Variants in MPHOSPH8 observed in about 807,000 individuals in gnomAD.
The protein encoded by MPHOSPH8 is M-phase phosphoprotein 8.
Under a neutral mutation model 87.3 loss-of-function variants are expected in MPHOSPH8, and 45 were observed. The observed-to-expected ratio is 0.52, with a 90% CI of 0.41 to 0.66. MPHOSPH8 has a LOEUF of 0.66. Ranked by LOEUF, MPHOSPH8 falls within the 30% of genes least tolerant of loss-of-function variation. MPHOSPH8 has a pLI of 0.00. For synonymous variants in MPHOSPH8, 366 were observed against 376.9 expected (o/e 0.97, Z 0.33); for missense variants, 883 against 1,020.2 (o/e 0.87, Z 1.83).
chr13:19,662,641 C>A (rs966236752), intron 8 of MPHOSPH8, among the ~76,000 whole-genome samples: 1 of 151,918 alleles, frequency 6.6e-6, no homozygotes, highest in Non-Finnish European at 1.5e-5. Context: ...TGATTTATCT[C>A]GTTGGAAGTA....
chr13:19,640,028 C>G (rs1165202798), intron 1 of MPHOSPH8, among the ~76,000 whole-genome samples: 1 of 152,088 alleles, frequency 6.6e-6, no homozygotes, highest in African/African-American at 2.4e-5. Context: ...ATCACTTGAA[C>G]CCGGGAGGCG....
Position 19,633,684 on chromosome 13 carries a change from A to ACC in MPHOSPH8, c.-64_-63insCC. On this transcript the variant is annotated 5_prime_UTR_variant, in exon 1 of 14. It introduces an in-frame stop codon into an upstream open reading frame of the 5' UTR. Coordinates refer to ENST00000361479, the MANE Select transcript of MPHOSPH8 (RefSeq NM_017520.4). ...GATGTGGAGTAGGGCCGAGCGCGGA[A>ACC]CGCGAGGGGCTGCTGGGGTGTTTGT... 6.5e-7 allele frequency: 1 copy of ACC among 1,528,750 alleles called. No individual in the cohort carries two copies. Among genetic ancestry groups the ACC allele is most frequent in the Non-Finnish European group, 8.9e-7 (1 of 1,127,810 alleles). 94.7% of individuals were successfully genotyped at this position (1,528,750 alleles called of 1,614,324 possible). A position where few individuals can be genotyped will look rare whatever the true frequency, so the allele number is the denominator to read the frequency against.
rs1003219793 is a variant in MPHOSPH8 at position 19,650,074 on chromosome 13, A to T, written c.1390A>T (p.Asn464Tyr). 1 of 1,612,564 alleles carries T rather than the reference A, an allele frequency of 6.2e-7. No individual in the cohort carries two copies. The highest frequency in any genetic ancestry group is 8.5e-7 in the Non-Finnish European group (1 of 1,179,270). Residue 464 changes from asparagine (N) to tyrosine (Y), a missense_variant, in exon 5 of 14, where the codon AAT becomes TAT. Physicochemically the swap from Asn to Tyr is moderately radical, Grantham distance 143 (BLOSUM62 -2). Transcript: ENST00000361479. ...AGAAGAAAAAAATGATGTTTCTGAGAATAATCGGAAAAGGGAAGAAATACC... is the reference window on the plus strand; with the variant it reads ...AGAAGAAAAAAATGATGTTTCTGAGTATAATCGGAAAAGGGAAGAAATACC... ...TPEEKNDVSENNRKREEIPLD... is the reference protein window; with the variant it reads ...TPEEKNDVSEYNRKREEIPLD...
chr13:19,652,842 G>A (rs1011633164), intron 5 of MPHOSPH8, among the ~76,000 whole-genome samples: 6 of 152,022 alleles, frequency 3.9e-5, no homozygotes, highest in African/African-American at 1.5e-4. Context: ...GGAGCGCACC[G>A]TAGCTCAGCA....
intron 9 of MPHOSPH8, among the ~76,000 whole-genome samples, chr13:19,664,981 C>G (rs536547626): frequency 3.9e-5 from 6 of 152,038 alleles, no homozygotes; most frequent in Non-Finnish European, 8.8e-5. Context: ...AGGAAGTGGT[C>G]CACGGGCTGG....
At chr13:19,638,944 G>C (rs542964460) in intron 1 of MPHOSPH8, among the ~76,000 whole-genome samples, 4 of 152,012 alleles carry the variant, frequency 2.6e-5, no homozygotes, top group African/African-American at 9.6e-5. Context: ...TTAGCCAGGC[G>C]TGGTGCTGGG....
chr13:19,665,674 G>A (rs1276192700), intron 9 of MPHOSPH8, among the ~76,000 whole-genome samples: 6 of 152,226 alleles, frequency 3.9e-5, no homozygotes, highest in Non-Finnish European at 5.9e-5. Flanking sequence ...GAGTGCCACC[G>A]CTCCTGGAGG....
intron 1 of MPHOSPH8, among the ~76,000 whole-genome samples, 191 bp downstream of exon 1, chr13:19,634,152 G>A (rs1045018693): frequency 2.0e-5 from 3 of 152,338 alleles, no homozygotes; most frequent in African/African-American, 4.8e-5. Flanking sequence ...CTGAGTGTGT[G>A]AGGGAAGCTT....
chr13:19,648,452 GA>G lies in MPHOSPH8; in HGVS notation c.1254del (p.Lys418AsnfsTer21). 1 of 1,590,570 alleles carries G rather than the reference GA, an allele frequency of 6.3e-7. No individual in the cohort carries two copies. Among genetic ancestry groups the G allele is most frequent in the Admixed American group, 1.8e-5 (1 of 56,206 alleles). On this transcript the variant is annotated frameshift_variant, in exon 4 of 14. Transcript: ENST00000361479. LOFTEE classifies it high-confidence loss of function. ...DKETKRNESK[E>X]KYQKRHDSDK... ...AGAAACCAAAAGAAATGAATCCAAA[GA>G]AAAATATCAGAAAAGGCATGATTCT...
At chr13:19,648,380 A>G (rs773548957) in intron 3 of MPHOSPH8, 42 bp from the exon 4 acceptor site, 33 of 1,311,576 alleles carry the variant, frequency 2.5e-5, no homozygotes, top group Non-Finnish European at 3.5e-5. Context: ...TACAGTGTCA[A>G]CTCTTTATCC....
rs143247644 is a variant in MPHOSPH8 at position 19,645,556 on chromosome 13, G to C, written c.370-887G>C. Among the ~76,000 whole-genome samples, 1,338 of 152,154 alleles carry C rather than the reference G, an allele frequency of 8.8e-3. 8 individuals carry two copies. The highest frequency in any genetic ancestry group is 0.012 in the Non-Finnish European group (792 of 68,004). On this transcript the variant is annotated intron_variant, in intron 2 of 13. Coordinates refer to ENST00000361479, the MANE Select transcript of MPHOSPH8 (RefSeq NM_017520.4). ...GGAGGCCGAGAGGTCAGGGGTTCGAGACCAGCCTGGACAACATGATGAAAC... is the reference window on the plus strand; with the variant it reads ...GGAGGCCGAGAGGTCAGGGGTTCGACACCAGCCTGGACAACATGATGAAAC...
At chr13:19,652,172 A>G (rs1874887270) in intron 5 of MPHOSPH8, among the ~76,000 whole-genome samples, 2 of 152,174 alleles carry the variant, frequency 1.3e-5, no homozygotes, top group Admixed American at 6.5e-5. Flanking sequence ...CCGTTCCGCA[A>G]TTCTCAGCGA....
intron 3 of MPHOSPH8, 151 bp from the exon 4 acceptor site, chr13:19,648,271 T>C (rs1383268426): frequency 4.8e-6 from 2 of 416,764 alleles, no homozygotes; most frequent in Non-Finnish European, 8.8e-6. Flanking sequence ...AAAATTCTTT[T>C]GTGTGAAGAG....
chr13:19,639,588 T>C (rs1027316367), intron 1 of MPHOSPH8, among the ~76,000 whole-genome samples: 9 of 151,862 alleles, frequency 5.9e-5, no homozygotes, highest in Non-Finnish European at 1.0e-4. Flanking sequence ...GGATTACAGG[T>C]GTGAGCCACC....
chr13:19,637,906 CCTGG>C (rs1211931646), intron 1 of MPHOSPH8, among the ~76,000 whole-genome samples: 2 of 151,642 alleles, frequency 1.3e-5, no homozygotes, highest in Non-Finnish European at 2.9e-5. Flanking sequence ...TTGAGACCAT[CCTGG>C]CTAACATGGT....
Position 19,646,701 on chromosome 13 carries a change from C to A in MPHOSPH8, c.628C>A (p.Leu210Ile), listed in dbSNP as rs1418257101. The change falls in exon 3 of 14, where the codon CTA becomes ATA. Residue 210 changes from leucine (L) to isoleucine (I), a missense_variant. Coordinates refer to ENST00000361479, the MANE Select transcript of MPHOSPH8 (RefSeq NM_017520.4). ...AAGAATTTCTGAAGCCAAAGAAGAA[C>A]TAAAGGAGTCCAAAAAGCCCAAAAA... is the stretch of plus-strand genomic sequence containing the variant. ...KKRISEAKEE[L>I]KESKKPKKDE... 3 of 1,592,160 alleles carry A rather than the reference C, an allele frequency of 1.9e-6. No homozygotes were observed. The highest frequency in any genetic ancestry group is 1.2e-5 in the South Asian group (1 of 85,754).
intron 9 of MPHOSPH8, among the ~76,000 whole-genome samples, chr13:19,666,033 C>T (rs1875796016): frequency 6.6e-6 from 1 of 152,164 alleles, no homozygotes; most frequent in Non-Finnish European, 1.5e-5. Flanking sequence ...CTCTGCGCCT[C>T]GCTGAGGGGC....
At chr13:19,645,501 G>A (rs915395028) in intron 2 of MPHOSPH8, among the ~76,000 whole-genome samples, 11 of 152,110 alleles carry the variant, frequency 7.2e-5, no homozygotes, top group East Asian at 3.9e-4. Flanking sequence ...GCCAGGCGCC[G>A]TGGCTCACCC....
At chr13:19,655,357 A>G (rs79532856) in intron 5 of MPHOSPH8, among the ~76,000 whole-genome samples, 2,613 of 152,222 alleles carry the variant, frequency 0.017, 64 homozygotes, top group African/African-American at 0.058. Context: ...AGCCTCAGCT[A>G]CTTGGATGGC....
Sources: allele counts gnomAD v4.1 joint callset (sites outside exome capture counted in the v4.1 genomes callset), GRCh38; gene constraint gnomAD v4.1.1; transcripts MANE v1.5; gene names NCBI Gene and HGNC (gene_info 2026-07-23, HGNC 2026-07-21).